The following COG5 variants were observed in gnomAD, a reference collection of about 807,000 sequenced individuals.
The protein encoded by COG5 is component of oligomeric golgi complex 5.
Under a neutral mutation model 110.4 loss-of-function variants are expected in COG5, and 86 were observed. That is an observed-to-expected ratio of 0.78 (90% CI 0.65 to 0.93). COG5 has a LOEUF of 0.93. COG5 is among the 40% of genes least tolerant of loss of function. The pLI, the probability that COG5 is intolerant of heterozygous loss-of-function variation, is 0.00. For missense variants in COG5, 1,077 were observed against 987.0 expected (o/e 1.09, Z -1.22); for synonymous variants, 360 against 334.6 (o/e 1.08, Z -0.83).
intron 14 of COG5, among the ~76,000 whole-genome samples, chr7:107,268,324 T>C (rs1380031783): frequency 1.3e-5 from 2 of 152,182 alleles, no homozygotes; most frequent in African/African-American, 2.4e-5. Flanking sequence ...AAAGTCCTAA[T>C]AATAAAAAAG....
At chr7:107,300,823 T>A (rs1490163312) in intron 11 of COG5, among the ~76,000 whole-genome samples, 2 of 152,086 alleles carry the variant, frequency 1.3e-5, no homozygotes, top group East Asian at 3.8e-4. Context: ...CCAAAAATCA[T>A]ATGAAAATGT....
chr7:107,222,760 GTT>G (rs1800032934), intron 19 of COG5, among the ~76,000 whole-genome samples: 1 of 152,138 alleles, frequency 6.6e-6, no homozygotes, highest in African/African-American at 2.4e-5. Context: ...GAAATAAGGT[GTT>G]ATAAAATGCA....
chr7:107,452,274 A>C (rs1370647249), intron 6 of COG5, among the ~76,000 whole-genome samples: 1 of 152,180 alleles, frequency 6.6e-6, no homozygotes, highest in Non-Finnish European at 1.5e-5. Flanking sequence ...GTCGGATTAC[A>C]TTACTCCCTT....
At chr7:107,503,759 T>C (rs1166115998) in intron 6 of COG5, among the ~76,000 whole-genome samples, 2 of 152,148 alleles carry the variant, frequency 1.3e-5, no homozygotes, top group Non-Finnish European at 2.9e-5. Context: ...TTTTTGCAGA[T>C]GCAAAAGGGG....
At chr7:107,313,504 A>G (rs1319623253) in intron 11 of COG5, among the ~76,000 whole-genome samples, 1 of 152,188 alleles carries the variant, frequency 6.6e-6, no homozygotes, top group East Asian at 1.9e-4. Flanking sequence ...ATTTTCTTAT[A>G]GTTTTGGAGG....
chr7:107,412,267 T>A (rs913959751), intron 7 of COG5, among the ~76,000 whole-genome samples: 7 of 152,110 alleles, frequency 4.6e-5, no homozygotes, highest in African/African-American at 1.4e-4. Context: ...AAAAAATACA[T>A]TTCATGTTAT....
rs572972696 is a variant in COG5, at chr7:107,225,761, G to A, written c.2168+4854C>T. Among the ~76,000 whole-genome samples the A allele has an allele frequency of 2.0e-3, 305 of 152,260 alleles. 2 individuals are homozygous for A. Among genetic ancestry groups the A allele is most frequent in the African/African-American group, 6.9e-3 (288 of 41,562 alleles). ...TATTATTTTAAAAATAGTAGAGGTCGGCTGGGCATGGTGGCTCTTGCCTGT... is the reference window on the plus strand; with the variant it reads ...TATTATTTTAAAAATAGTAGAGGTCAGCTGGGCATGGTGGCTCTTGCCTGT... On this transcript the variant is annotated intron_variant, in intron 19 of 21. Transcript: ENST00000297135.
chr7:107,276,499 C>A (rs1401974556), intron 14 of COG5, among the ~76,000 whole-genome samples: 1 of 152,054 alleles, frequency 6.6e-6, no homozygotes, highest in Non-Finnish European at 1.5e-5. Context: ...GCGAGACCCT[C>A]CATCGCTACA....
In COG5 at chr7:107,256,757, T is replaced by C. The variant is rs747457457; in HGVS notation, c.1724A>G (p.Glu575Gly). 8.7e-6 allele frequency: 14 copies of C among 1,610,940 alleles called. No individual in the cohort carries two copies. The highest frequency in any genetic ancestry group is 1.3e-5 in the African/African-American group (1 of 74,848). The change falls in exon 16 of 22, where the codon GAG becomes GGG. Residue 575 changes from glutamate to glycine, a missense_variant. By Grantham distance (98) the Glu-to-Gly change is moderately conservative. Coordinates refer to ENST00000297135, the MANE Select transcript of COG5 (RefSeq NM_006348.5). ...SSQSSFPLAA[E>G]QTIISALKAI... is the part of the protein sequence containing the mutation. ...CTTTAGAGCTGAAATTATAGTTTGC[T>C]CAGCTGCCAGTGGGAATGAGCTCTG...
chr7:107,224,104 A>G (rs2116335601), intron 19 of COG5, among the ~76,000 whole-genome samples: 1 of 152,354 alleles, frequency 6.6e-6, no homozygotes, highest in African/African-American at 2.4e-5. Flanking sequence ...CTTAGAATTA[A>G]GAATCCCGAA....
At chr7:107,459,058 T>C (rs1795834576) in intron 6 of COG5, among the ~76,000 whole-genome samples, 2 of 151,710 alleles carry the variant, frequency 1.3e-5, no homozygotes, top group African/African-American at 4.8e-5. Context: ...AAGGAATACA[T>C]GGAACAAACA....
At chr7:107,298,480 T>C (rs1196715738) in intron 11 of COG5, 134 bp from the exon 12 acceptor site, 3 of 545,670 alleles carry the variant, frequency 5.5e-6, no homozygotes, top group Non-Finnish European at 9.6e-6. Context: ...AGGCCTTTTA[T>C]AATAATGCTA....
Position 107,381,167 on chromosome 7 carries a change from T to A in COG5, c.670-8407A>T, listed in dbSNP as rs181828287. Among the ~76,000 whole-genome samples, 22 of 152,318 alleles carry A rather than the reference T, an allele frequency of 1.4e-4. No individual in the cohort carries two copies. The East Asian group carries it at 2.9e-3, about 20-fold the overall frequency. ...TTTTGACAAAATAAAATCGTTTATG[T>A]TAATCTGGAATTCTATTTCATAAAA... is the stretch of plus-strand genomic sequence containing the variant. On this transcript the variant is annotated intron_variant, in intron 7 of 21. Transcript: ENST00000297135.
At chr7:107,416,605 A>G (rs1216927371) in intron 6 of COG5, among the ~76,000 whole-genome samples, 1 of 152,194 alleles carries the variant, frequency 6.6e-6, no homozygotes, top group Non-Finnish European at 1.5e-5. Context: ...TTTTCCCATT[A>G]AAAACTACGT....
At chr7:107,224,877 C>A (rs921291854) in intron 19 of COG5, among the ~76,000 whole-genome samples, 1 of 152,228 alleles carries the variant, frequency 6.6e-6, no homozygotes, top group Non-Finnish European at 1.5e-5. Context: ...TGAAAAGATT[C>A]CCGCTGCCTG....
chr7:107,527,476 C>T, intron 5 of COG5, 119 bp from the exon 6 acceptor site: 1 of 1,082,206 alleles, frequency 9.2e-7, no homozygotes, highest in Non-Finnish European at 1.4e-6. Context: ...CACATGTTTA[C>T]CTATGTAACA....
chr7:107,250,776 C>T (rs796269553), intron 16 of COG5, among the ~76,000 whole-genome samples: 17 of 151,926 alleles, frequency 1.1e-4, no homozygotes, highest in African/African-American at 2.4e-4. Flanking sequence ...AAGAATTATA[C>T]GTAGAGATGA....
chr7:107,397,689 G>A (rs1481241563), intron 7 of COG5, among the ~76,000 whole-genome samples: 1 of 151,954 alleles, frequency 6.6e-6, no homozygotes, highest in Non-Finnish European at 1.5e-5. Context: ...TGCAGTTCAG[G>A]GTAACCAAAT....
chr7:107,454,675 T>C (rs147924207), intron 6 of COG5, among the ~76,000 whole-genome samples: 14 of 152,126 alleles, frequency 9.2e-5, no homozygotes, highest in Admixed American at 9.2e-4. Context: ...TTCCCCAACA[T>C]AAACCATAAC....
Sources: allele counts gnomAD v4.1 joint callset (sites outside exome capture counted in the v4.1 genomes callset), GRCh38; gene constraint gnomAD v4.1.1; transcripts MANE v1.5; gene names NCBI Gene and HGNC (gene_info 2026-07-23, HGNC 2026-07-21).